ZSWIM6: variants seen among roughly 807,000 people sequenced by gnomAD.
ZSWIM6 encodes the protein zinc finger SWIM domain-containing protein 6.
Under a neutral mutation model 113.2 loss-of-function variants are expected in ZSWIM6, and 9 were observed. The observed-to-expected ratio is 0.08, with a 90% CI of 0.05 to 0.14. ZSWIM6 has a LOEUF of 0.14. Among genes scored for constraint, ZSWIM6 ranks in the 10% least tolerant of loss-of-function variants. The pLI, the probability that ZSWIM6 is intolerant of heterozygous loss-of-function variation, is 1.00. For synonymous variants in ZSWIM6, 611 were observed against 606.5 expected, an observed-to-expected ratio of 1.01 and a Z score of -0.11; for missense variants, 1,162 against 1,552.2, an observed-to-expected ratio of 0.75 and a Z score of 4.22.
intron 1 of ZSWIM6, among the ~76,000 whole-genome samples, chr5:61,466,245 G>A (rs6882136): frequency 0.38 from 57,263 of 151,974 alleles, 10,936 homozygotes; most frequent in South Asian, 0.43. Flanking sequence ...TACTTTACCA[G>A]GGTTACATAA....
intron 1 of ZSWIM6, among the ~76,000 whole-genome samples, chr5:61,403,501 A>G (rs989380156): frequency 6.6e-5 from 10 of 152,254 alleles, no homozygotes; most frequent in Non-Finnish European, 8.8e-5. Flanking sequence ...AGCCTTTCAC[A>G]GACTAACAAC....
chr5:61,358,925 C>G (rs1005667662), intron 1 of ZSWIM6, among the ~76,000 whole-genome samples: 1 of 152,180 alleles, frequency 6.6e-6, no homozygotes, highest in African/African-American at 2.4e-5. Context: ...ACACTACTGG[C>G]TTTGGCTGGC....
chr5:61,525,524 G>C (rs981096394), intron 5 of ZSWIM6, among the ~76,000 whole-genome samples: 1 of 152,156 alleles, frequency 6.6e-6, no homozygotes, highest in African/African-American at 2.4e-5. Context: ...ATGGAAACTA[G>C]ACTTGACAAT....
Position 61,332,630 on chromosome 5 carries a change from G to A in ZSWIM6, c.358G>A (p.Glu120Lys). 1 of 1,247,642 alleles carries A rather than the reference G, an allele frequency of 8.0e-7. No individual in the cohort carries two copies. The highest frequency in any genetic ancestry group is 1.0e-6 in the Non-Finnish European group (1 of 961,912). 77.3% of individuals were successfully genotyped at this position (1,247,642 alleles called of 1,614,324 possible). A position where few individuals can be genotyped will look rare whatever the true frequency, so the allele number is the denominator to read the frequency against. Residue 120 changes from glutamate to lysine, a missense_variant, in exon 1 of 14, where the codon GAG becomes AAG. Glu to Lys is a moderately conservative substitution (Grantham distance 56). Transcript: ENST00000252744. ...VYWSFPRSER[E>K]ICMYSSFNTG... ...TTGGTCCTTCCCCCGCAGCGAGCGG[G>A]AGATCTGCATGTACTCGTCCTTCAA...
intron 1 of ZSWIM6, among the ~76,000 whole-genome samples, chr5:61,366,181 C>T (rs995632819): frequency 6.6e-6 from 1 of 152,224 alleles, no homozygotes; most frequent in Non-Finnish European, 1.5e-5. Flanking sequence ...CAAGCGTGAA[C>T]CACCACACCC....
At chr5:61,381,764 A>AT (rs1745491669) in intron 1 of ZSWIM6, among the ~76,000 whole-genome samples, 1 of 152,176 alleles carries the variant, frequency 6.6e-6, no homozygotes, top group South Asian at 2.1e-4. Flanking sequence ...CCCTTTAGTA[A>AT]TTGAGGTATT....
At chr5:61,340,255 A>C (rs1425356783) in intron 1 of ZSWIM6, among the ~76,000 whole-genome samples, 1 of 152,214 alleles carries the variant, frequency 6.6e-6, no homozygotes, top group Non-Finnish European at 1.5e-5. Flanking sequence ...TTCAGCTGAT[A>C]GTAAACTGTT....
chr5:61,533,201 A>G (rs1749488013), intron 9 of ZSWIM6, among the ~76,000 whole-genome samples: 1 of 152,206 alleles, frequency 6.6e-6, no homozygotes. Context: ...AAGGCCCACA[A>G]AGAGTGAATA....
intron 1 of ZSWIM6, among the ~76,000 whole-genome samples, chr5:61,421,448 T>C (rs1746353358): frequency 6.6e-6 from 1 of 152,242 alleles, no homozygotes; most frequent in Admixed American, 6.5e-5. Flanking sequence ...ATCTCATTTT[T>C]TCATGGCTGT....
At chr5:61,454,288 C>T (rs1747152725) in intron 1 of ZSWIM6, among the ~76,000 whole-genome samples, 1 of 141,110 alleles carries the variant, frequency 7.1e-6, no homozygotes, top group Admixed American at 7.1e-5. Context: ...GACGAGTCCT[C>T]ACTCTTGCCT....
At chr5:61,477,095 C>T (rs1193213369) in intron 2 of ZSWIM6, among the ~76,000 whole-genome samples, 3 of 152,132 alleles carry the variant, frequency 2.0e-5, no homozygotes, top group Non-Finnish European at 4.4e-5. Flanking sequence ...GATTGCTTTC[C>T]CTGACTTTCT....
At chr5:61,375,783 GAAA>G (rs1369355443) in intron 1 of ZSWIM6, 1 of 1,498,552 alleles carries the variant, frequency 6.7e-7, no homozygotes, top group Non-Finnish European at 9.1e-7. Context: ...AAACAAAAAA[GAAA>G]AAGAAGCATA....
At position 61,472,389 on chromosome 5, in the gene ZSWIM6, G is replaced by A. The variant is rs113532635; in HGVS notation, c.677-292G>A. Among the ~76,000 whole-genome samples, 209 of 152,284 alleles carry A rather than the reference G, an allele frequency of 1.4e-3. 2 individuals carry two copies. The highest frequency in any genetic ancestry group is 4.6e-3 in the African/African-American group (192 of 41,536). Reference sequence around the variant, plus strand: ...CAGAGTAATGATGGCCTCTTAGTGCGTGATCTAACCACTTCCTATAGGTAT... The same window carrying A: ...CAGAGTAATGATGGCCTCTTAGTGCATGATCTAACCACTTCCTATAGGTAT... On this transcript the variant is annotated intron_variant, in intron 1 of 13. Transcript: ENST00000252744. The surrounding 1 kb of genome is among the most constrained non-coding windows in gnomAD (Gnocchi z 4.1).
chr5:61,485,555 G>T (rs1206929300), intron 2 of ZSWIM6, among the ~76,000 whole-genome samples: 3 of 152,004 alleles, frequency 2.0e-5, no homozygotes, highest in Non-Finnish European at 2.9e-5. Flanking sequence ...TATTCCGTAT[G>T]GTTGTTTAAT....
At chr5:61,481,233 A>G (rs1747854173) in intron 2 of ZSWIM6, among the ~76,000 whole-genome samples, 1 of 152,166 alleles carries the variant, frequency 6.6e-6, no homozygotes. Context: ...GAATAGCTCC[A>G]TGCACCAGAC....
intron 1 of ZSWIM6, among the ~76,000 whole-genome samples, chr5:61,470,100 G>C (rs1747532326): frequency 6.6e-6 from 1 of 152,122 alleles, no homozygotes; most frequent in Non-Finnish European, 1.5e-5. Flanking sequence ...TAATTGTCTT[G>C]GCTTTGCCTG....
chr5:61,463,152 T>G (rs977140990), intron 1 of ZSWIM6, among the ~76,000 whole-genome samples: 4 of 152,226 alleles, frequency 2.6e-5, no homozygotes, highest in Admixed American at 2.6e-4. Flanking sequence ...AATTTAGATT[T>G]TTAATGAAGA....
chr5:61,457,800 G>A (rs1054337803), intron 1 of ZSWIM6, among the ~76,000 whole-genome samples: 2 of 152,144 alleles, frequency 1.3e-5, no homozygotes, highest in Non-Finnish European at 2.9e-5. Flanking sequence ...TGGGATTACA[G>A]GTGTGAGCCG....
chr5:61,477,923 T>C (rs998688050), intron 2 of ZSWIM6, among the ~76,000 whole-genome samples: 6 of 152,232 alleles, frequency 3.9e-5, no homozygotes, highest in African/African-American at 1.2e-4. Flanking sequence ...TAAGGACATG[T>C]ACACTTTTAT....
Sources: gnomAD v4.1 joint callset for allele counts (sites outside exome capture counted in the v4.1 genomes callset) on GRCh38, gnomAD v4.1.1 for gene constraint, Gnocchi (gnomAD v3.1) non-coding constraint, MANE v1.5 for transcripts, NCBI Gene and HGNC (gene_info 2026-07-23, HGNC 2026-07-21) for gene names.